The following RIC8B variants were observed in gnomAD, a reference collection of about 807,000 sequenced individuals.
RIC8B encodes the protein chaperone Ric-8B.
RIC8B carries 16 observed loss-of-function variants against 57.5 expected under a neutral mutation model. The ratio of observed to expected loss-of-function variants is 0.28; its 90% CI spans 0.19 to 0.42. RIC8B has a LOEUF of 0.42. RIC8B is among the 10% of genes least tolerant of loss of function. The probability of loss-of-function intolerance (pLI) is 1.00; values close to 1 mark genes in which losing one functional copy is unlikely to be tolerated. For synonymous variants in RIC8B, 216 were observed against 250.8 expected (o/e 0.86, Z 1.31); for missense variants, 481 against 677.0 (o/e 0.71, Z 3.21).
intron 9 of RIC8B, chr12:106,878,878 G>A (rs543436307): frequency 5.4e-6 from 3 of 559,252 alleles, no homozygotes; most frequent in South Asian, 1.6e-4. Flanking sequence ...TACATAAAAG[G>A]ATCGGAACTA....
chr12:106,779,827 T>TCTAG (rs1485221416), intron 1 of RIC8B, among the ~76,000 whole-genome samples: 1 of 151,098 alleles, frequency 6.6e-6, no homozygotes, highest in African/African-American at 2.4e-5. Context: ...ATCATTCCAG[T>TCTAG]CTAGACTGTT....
chr12:106,833,439 T>G (rs1027122328), intron 4 of RIC8B, among the ~76,000 whole-genome samples: 2 of 151,846 alleles, frequency 1.3e-5, no homozygotes, highest in Non-Finnish European at 2.9e-5. Flanking sequence ...CTGTCTCTAT[T>G]AAAAATACAA....
At chr12:106,838,571 G>GAGCAGGAGC (rs1166964227) in intron 4 of RIC8B, among the ~76,000 whole-genome samples, 1 of 151,264 alleles carries the variant, frequency 6.6e-6, no homozygotes, top group Non-Finnish European at 1.5e-5. Flanking sequence ...GGAGCAGGAG[G>GAGCAGGAGC]AGCAGGAGCA....
At chr12:106,863,138 C>T (rs1950008331) in intron 8 of RIC8B, among the ~76,000 whole-genome samples, 2 of 152,088 alleles carry the variant, frequency 1.3e-5, no homozygotes, top group Non-Finnish European at 2.9e-5. Context: ...TTCTAGACAT[C>T]AACTGAAAGA....
intron 6 of RIC8B, among the ~76,000 whole-genome samples, chr12:106,847,137 G>T (rs1183739164): frequency 2.6e-5 from 4 of 152,098 alleles, no homozygotes; most frequent in South Asian, 2.1e-4. Flanking sequence ...TACTGACCCA[G>T]GTTGTATTAT....
Position 106,886,065 on chromosome 12 carries a change from T to G in RIC8B, c.*50T>G. 1.6e-6 allele frequency: 2 copies of G among 1,281,746 alleles called. No individual in the cohort carries two copies. The highest frequency in any genetic ancestry group is 2.3e-6 in the Non-Finnish European group (2 of 881,084). The allele number at this position is 1,281,746 out of a possible 1,614,324, so 79.4% of individuals were successfully genotyped here. A position where few individuals can be genotyped will look rare whatever the true frequency, so the allele number is the denominator to read the frequency against. On this transcript the variant is annotated 3_prime_UTR_variant, in exon 10 of 10. Transcript: ENST00000392837. ...TATTGCTTTATCAGCATCTTTTCTC[T>G]GTAGCTCCAGGGGAATCTTTTCTCT...
At chr12:106,826,085 G>A (rs2046086609) in intron 4 of RIC8B, among the ~76,000 whole-genome samples, 1 of 152,156 alleles carries the variant, frequency 6.6e-6, no homozygotes, top group African/African-American at 2.4e-5. Flanking sequence ...AATAGTTACT[G>A]TTCTTGGTTT....
chr12:106,793,127 ACCGGGG>A (rs1302228949), intron 2 of RIC8B, among the ~76,000 whole-genome samples: 1 of 152,202 alleles, frequency 6.6e-6, no homozygotes, highest in Non-Finnish European at 1.5e-5. Context: ...TGCTGAGAAT[ACCGGGG>A]CCACAGTCAT....
chr12:106,851,712 C>CTTAA, intron 7 of RIC8B, 118 bp downstream of exon 7: 1 of 861,326 alleles, frequency 1.2e-6, no homozygotes, highest in South Asian at 1.9e-5. Context: ...ACTGTCTGTT[C>CTTAA]TATTAGAGAG....
chr12:106,805,984 T>A (rs1366668918), intron 2 of RIC8B, among the ~76,000 whole-genome samples: 2 of 152,150 alleles, frequency 1.3e-5, no homozygotes, highest in African/African-American at 4.8e-5. Flanking sequence ...AGTTTTGCTC[T>A]TGTTGCCCAG....
chr12:106,863,358 T>C (rs10507215), intron 8 of RIC8B, among the ~76,000 whole-genome samples: 5,402 of 152,150 alleles, frequency 0.036, 117 homozygotes, highest in South Asian at 0.073. Flanking sequence ...CTTAAAACCA[T>C]TGTACTAATA....
intron 2 of RIC8B, among the ~76,000 whole-genome samples, chr12:106,808,982 G>GA (rs761318364): frequency 2.6e-5 from 4 of 151,484 alleles, no homozygotes; most frequent in South Asian, 2.1e-4. Context: ...GATTCAGAGT[G>GA]AAAAAAAAGC....
chr12:106,873,011 T>A, intron 9 of RIC8B: 1 of 985,212 alleles, frequency 1.0e-6, no homozygotes, highest in South Asian at 4.7e-5. Flanking sequence ...AGGTGCTAGG[T>A]CCTTCTCCTT....
At chr12:106,853,579 C>T (rs1327092262) in intron 7 of RIC8B, among the ~76,000 whole-genome samples, 2 of 148,222 alleles carry the variant, frequency 1.3e-5, no homozygotes, top group Non-Finnish European at 3.0e-5. Flanking sequence ...AGCGATTCTC[C>T]TGCCTCAGCC....
chr12:106,793,807 T>G, intron 2 of RIC8B, among the ~76,000 whole-genome samples: 1 of 151,972 alleles, frequency 6.6e-6, no homozygotes, highest in East Asian at 1.9e-4. Context: ...AATAGACTGC[T>G]AAGATAATTT....
intron 4 of RIC8B, among the ~76,000 whole-genome samples, chr12:106,833,426 AC>A (rs1187370935): frequency 1.3e-5 from 2 of 151,942 alleles, no homozygotes; most frequent in Non-Finnish European, 2.9e-5. Context: ...ACATGGAGAA[AC>A]CCTGTCTCTA....
intron 3 of RIC8B, among the ~76,000 whole-genome samples, chr12:106,816,948 A>ACCTGTTGTGAGT (rs1192394256): frequency 1.3e-5 from 2 of 152,208 alleles, no homozygotes; most frequent in Non-Finnish European, 2.9e-5. Context: ...CTGACCTAGT[A>ACCTGTTGTGAGT]CCTGTTGTGA....
At chr12:106,798,736 G>C (rs11611463) in intron 2 of RIC8B, among the ~76,000 whole-genome samples, 3 of 151,908 alleles carry the variant, frequency 2.0e-5, no homozygotes, top group Admixed American at 2.0e-4. Context: ...ATTTGACTTA[G>C]CTTTCCACCT....
Position 106,787,064 on chromosome 12 carries a change from A to C in RIC8B, c.132+3020A>C, listed in dbSNP as rs2044062427. 2.0e-5 allele frequency among the ~76,000 whole-genome samples: 3 copies of C among 152,156 alleles called. No homozygotes were observed. The South Asian group carries it at 6.2e-4, about 32-fold the overall frequency. On this transcript the variant is annotated intron_variant, in intron 2 of 9. Transcript: ENST00000392837. ...TCACAGTTATTAATAAAATGTGTTT[A>C]TTTCCAATAGGGTAGTAGAAAAAAA...
Sources: allele counts gnomAD v4.1 joint callset (sites outside exome capture counted in the v4.1 genomes callset), GRCh38; gene constraint gnomAD v4.1.1; transcripts MANE v1.5; gene names NCBI Gene and HGNC (gene_info 2026-07-23, HGNC 2026-07-21).